The following ALMS1 variants were observed in gnomAD, a reference collection of about 807,000 sequenced individuals.
The protein encoded by ALMS1 is ALMS1 centrosome and basal body associated protein, also known as centrosome-associated protein ALMS1.
In ALMS1, 271 loss-of-function variants were observed where a neutral mutation model predicts 352.2. That is an observed-to-expected ratio of 0.77 (90% CI 0.70 to 0.85). ALMS1 has a LOEUF of 0.85. Among genes scored for constraint, ALMS1 ranks in the 40% least tolerant of loss-of-function variants. The probability of loss-of-function intolerance (pLI) is 0.00; values close to 1 mark genes in which losing one functional copy is unlikely to be tolerated. For missense variants in ALMS1, 5,445 were observed against 4,870.7 expected, an observed-to-expected ratio of 1.12 and a Z score of -3.51; for synonymous variants, 1,865 against 1,761.2, an observed-to-expected ratio of 1.06 and a Z score of -1.48.
chr2:73,550,703 C>T (rs1474377721), intron 13 of ALMS1, among the ~76,000 whole-genome samples: 1 of 152,022 alleles, frequency 6.6e-6, no homozygotes, highest in Admixed American at 6.6e-5. Flanking sequence ...TGAAATAATA[C>T]CCAATCAAGT....
At chr2:73,473,966 T>A (rs536133730) in intron 9 of ALMS1, among the ~76,000 whole-genome samples, 2 of 151,690 alleles carry the variant, frequency 1.3e-5, no homozygotes, top group South Asian at 4.2e-4. Flanking sequence ...GTAATAATAT[T>A]TGAAGAAATA....
chr2:73,406,605 T>C (rs966721136), intron 1 of ALMS1, among the ~76,000 whole-genome samples: 1 of 152,200 alleles, frequency 6.6e-6, no homozygotes, highest in African/African-American at 2.4e-5. Context: ...ACCATGAGAA[T>C]ATCATAAAAC....
intron 16 of ALMS1, among the ~76,000 whole-genome samples, chr2:73,581,055 T>G (rs1306959195): frequency 6.6e-6 from 1 of 152,162 alleles, no homozygotes; most frequent in Non-Finnish European, 1.5e-5. Context: ...TCTTCTCAGG[T>G]CTTTTCTGAA....
chr2:73,455,356 A>G (rs1672038398), intron 9 of ALMS1, 61 bp downstream of exon 9: 2 of 1,601,632 alleles, frequency 1.2e-6, no homozygotes, highest in African/African-American at 2.7e-5. Flanking sequence ...TGGAATTAGG[A>G]TCTCTTACTT....
chr2:73,491,854 G>C (rs1672995819), intron 10 of ALMS1, among the ~76,000 whole-genome samples: 1 of 152,110 alleles, frequency 6.6e-6, no homozygotes, highest in Middle Eastern at 3.2e-3. Context: ...ACATACATGG[G>C]TGCTTGGTCA....
rs749979595 is a variant in ALMS1, at chr2:73,452,730, G to C, written c.6203G>C (p.Ser2068Thr). The change falls in exon 8 of 23, where the codon AGT becomes ACT. Residue 2068 changes from serine (S) to threonine (T), a missense_variant. Physicochemically the swap from Ser to Thr is moderately conservative, Grantham distance 58 (BLOSUM62 1). Coordinates refer to ENST00000613296, the MANE Select transcript of ALMS1 (RefSeq NM_001378454.1). ...CAGCAGTTGCCAGATAGAGATCAAA[G>C]TAAAGGTATTCTAAAGATTTCAGCT... is the stretch of plus-strand genomic sequence containing the variant. The part of the protein sequence containing the change: ...FQQQLPDRDQ[S>T]KGILKISAVP... 1.2e-6 allele frequency: 2 copies of C among 1,613,442 alleles called. No individual in the cohort carries two copies. The highest frequency in any genetic ancestry group is 1.3e-5 in the African/African-American group (1 of 74,910).
chr2:73,549,754 G>A (rs76932422), intron 12 of ALMS1, among the ~76,000 whole-genome samples: 2,469 of 152,146 alleles, frequency 0.016, 67 homozygotes, highest in African/African-American at 0.056. Context: ...TCTCTGCCTT[G>A]TATTATTAGA....
At chr2:73,563,915 A>G (rs1674723376) in intron 15 of ALMS1, among the ~76,000 whole-genome samples, 1 of 151,928 alleles carries the variant, frequency 6.6e-6, no homozygotes, top group Admixed American at 6.6e-5. Flanking sequence ...ACAAAATAAT[A>G]CTGGGGAGCT....
intron 10 of ALMS1, among the ~76,000 whole-genome samples, chr2:73,496,372 C>G (rs1052215237): frequency 6.6e-6 from 1 of 152,172 alleles, no homozygotes; most frequent in African/African-American, 2.4e-5. Flanking sequence ...GAATTTTTTA[C>G]TTTGCAAAAT....
intron 7 of ALMS1, among the ~76,000 whole-genome samples, chr2:73,447,366 T>C (rs1338876491): frequency 6.6e-6 from 1 of 152,084 alleles, no homozygotes; most frequent in Non-Finnish European, 1.5e-5. Flanking sequence ...CTCTTCAGAG[T>C]AACCTTTAGA....
chr2:73,395,797 C>T (rs189926871), intron 1 of ALMS1, among the ~76,000 whole-genome samples: 13 of 152,004 alleles, frequency 8.6e-5, no homozygotes, highest in Admixed American at 7.9e-4. Context: ...TGGCTAATTG[C>T]CCTGGCTAGA....
Position 73,573,361 on chromosome 2 carries a change from GA to G in ALMS1, c.11487del (p.Val3830CysfsTer2). On this transcript the variant is annotated frameshift_variant, in exon 16 of 23. Transcript: ENST00000613296. LOFTEE classifies it high-confidence loss of function. ...TTGAGAAGCGGAGCAAACACAGCAAGAAAGTGCTGAATACAGGTCATCCCCT... is the reference window on the plus strand; with the variant it reads ...TTGAGAAGCGGAGCAAACACAGCAAGAAGTGCTGAATACAGGTCATCCCCT... Reference protein sequence around the residue: ...YLEKRSKHSKKVLNTGHPLVT... With the variant: ...YLEKRSKHSKXVLNTGHPLVT... 6.2e-7 allele frequency: 1 copy of G among 1,614,106 alleles called. No homozygotes were observed. Among genetic ancestry groups the G allele is most frequent in the Non-Finnish European group, 8.5e-7 (1 of 1,180,002 alleles).
rs1183898688 is a variant in ALMS1 at position 73,488,525 on chromosome 2, G to A, written c.7675-1109G>A. Among the ~76,000 whole-genome samples, 6 of 152,140 alleles carry A rather than the reference G, an allele frequency of 3.9e-5. No individual in the cohort carries two copies. The South Asian group carries it at 1.2e-3, about 31-fold the overall frequency. ...GCTGTGACTGGGCAGCTGCAGCTGTGCCCAGGAGGGTGGGGTTCCTGCCCC... is the reference window on the plus strand; with the variant it reads ...GCTGTGACTGGGCAGCTGCAGCTGTACCCAGGAGGGTGGGGTTCCTGCCCC... On this transcript the variant is annotated intron_variant, in intron 9 of 22. Transcript: ENST00000613296.
intron 7 of ALMS1, among the ~76,000 whole-genome samples, chr2:73,447,386 G>A (rs1671828931): frequency 6.6e-6 from 1 of 151,940 alleles, no homozygotes; most frequent in South Asian, 2.1e-4. Context: ...AGTTTTTTCA[G>A]TTTTATGTAC....
chr2:73,573,655 A>G, intron 16 of ALMS1: 1 of 643,080 alleles, frequency 1.6e-6, no homozygotes, highest in Non-Finnish European at 2.8e-6. Flanking sequence ...TTGCTGCTAG[A>G]TCCTTCACAG....
rs1320011121 is a variant in ALMS1, at chr2:73,449,451, C to G, written c.2924C>G (p.Pro975Arg). The G allele has an allele frequency of 1.2e-6, 2 of 1,613,928 alleles. No individual in the cohort carries two copies. The highest frequency in any genetic ancestry group is 1.7e-5 in the Admixed American group (1 of 59,986). Residue 975 changes from proline (P) to arginine (R), a missense_variant, in exon 8 of 23, where the codon CCT becomes CGT. Transcript: ENST00000613296. ...CAAGAGTTGCCAGACAGTGATCTAC[C>G]TAGAGAATCTCTGAAAATGTCTGCT... ...YQQELPDSDLPRESLKMSAIP... is the reference protein window; with the variant it reads ...YQQELPDSDLRRESLKMSAIP...
chr2:73,552,042 G>T (rs1161863585), intron 13 of ALMS1, among the ~76,000 whole-genome samples: 2 of 151,918 alleles, frequency 1.3e-5, no homozygotes, highest in East Asian at 3.9e-4. Flanking sequence ...GATCTGCATG[G>T]TTTTTTTTAT....
At chr2:73,425,461 G>A (rs1416041796) in intron 5 of ALMS1, among the ~76,000 whole-genome samples, 1 of 152,082 alleles carries the variant, frequency 6.6e-6, no homozygotes, top group Non-Finnish European at 1.5e-5. Context: ...GAGGCTTCTG[G>A]TTGGATTGTT....
chr2:73,535,398 T>C (rs896930254), intron 12 of ALMS1, among the ~76,000 whole-genome samples: 1 of 152,236 alleles, frequency 6.6e-6, no homozygotes, highest in Non-Finnish European at 1.5e-5. Context: ...AAAAATTTGT[T>C]CATAAATAAC....
Sources: gnomAD v4.1 joint callset for allele counts (sites outside exome capture counted in the v4.1 genomes callset) on GRCh38, gnomAD v4.1.1 for gene constraint, MANE v1.5 for transcripts, NCBI Gene and HGNC (gene_info 2026-07-23, HGNC 2026-07-21) for gene names.